The following FAM178B variants were observed in gnomAD, a reference collection of about 807,000 sequenced individuals.
The protein encoded by FAM178B is protein FAM178B.
In FAM178B, 82 loss-of-function variants were observed where a neutral mutation model predicts 91.7. The ratio of observed to expected loss-of-function variants is 0.89; its 90% CI spans 0.75 to 1.07. The LOEUF is 1.07. FAM178B is among the 50% of genes least tolerant of loss of function. The pLI, the probability that FAM178B is intolerant of heterozygous loss-of-function variation, is 0.00. For missense variants in FAM178B, 769 were observed against 846.7 expected, an observed-to-expected ratio of 0.91 and a Z score of 1.14; for synonymous variants, 368 against 359.4, an observed-to-expected ratio of 1.02 and a Z score of -0.27.
At chr2:96,964,982 G>A (rs898565110) in intron 5 of FAM178B, among the ~76,000 whole-genome samples, 1 of 152,050 alleles carries the variant, frequency 6.6e-6, no homozygotes, top group Non-Finnish European at 1.5e-5. Flanking sequence ...TGATCATCCG[G>A]TTTGGTGGCT....
intron 16 of FAM178B, among the ~76,000 whole-genome samples, chr2:96,877,540 T>C (rs2080273627): frequency 6.6e-6 from 1 of 152,114 alleles, no homozygotes; most frequent in Admixed American, 6.5e-5. Context: ...GTAGCTGGGA[T>C]TACAGGCGCA....
chr2:96,963,015 T>A (rs1296285660), intron 5 of FAM178B, among the ~76,000 whole-genome samples: 4 of 152,136 alleles, frequency 2.6e-5, no homozygotes, highest in Non-Finnish European at 5.9e-5. Flanking sequence ...AACCACCACC[T>A]CAAAGTGGCT....
chr2:96,901,176 C>CTTTT (rs1195230304), intron 13 of FAM178B, among the ~76,000 whole-genome samples: 1 of 132,470 alleles, frequency 7.5e-6, no homozygotes, highest in East Asian at 2.1e-4. Flanking sequence ...ATTCTTTTTT[C>CTTTT]TTTTTTTTTT....
At chr2:96,942,708 A>G (rs575484162) in intron 8 of FAM178B, among the ~76,000 whole-genome samples, 1 of 152,308 alleles carries the variant, frequency 6.6e-6, no homozygotes, top group Non-Finnish European at 1.5e-5. Context: ...AAATTTTTAA[A>G]AAGTATAGTT....
At chr2:96,936,372 T>G (rs2081628648) in intron 8 of FAM178B, among the ~76,000 whole-genome samples, 1 of 151,878 alleles carries the variant, frequency 6.6e-6, no homozygotes, top group African/African-American at 2.4e-5. Flanking sequence ...CGGCTAAGTT[T>G]TTGTATTTTT....
intron 14 of FAM178B, among the ~76,000 whole-genome samples, chr2:96,888,704 C>G (rs577664438): frequency 6.6e-6 from 1 of 152,252 alleles, no homozygotes; most frequent in Non-Finnish European, 1.5e-5. Context: ...TATCAACACA[C>G]GCGGCACACC....
chr2:96,894,785 G>A (rs1471806747), intron 13 of FAM178B, among the ~76,000 whole-genome samples: 51 of 38,834 alleles, frequency 1.3e-3, no homozygotes, highest in East Asian at 8.8e-3. Flanking sequence ...CCCCACCCAC[G>A]CCCACTCACA....
intron 12 of FAM178B, among the ~76,000 whole-genome samples, chr2:96,906,362 C>T (rs990626441): frequency 6.6e-6 from 1 of 151,968 alleles, no homozygotes; most frequent in Non-Finnish European, 1.5e-5. Context: ...CCACCAAGCC[C>T]GACCGAAAAT....
chr2:96,890,521 T>G lies in FAM178B; in HGVS notation c.1776+3405A>C, dbSNP rs538316865. ...CATGACCCTGAGCCCTGAGGCTGGA[T>G]AGAACACACCAGAAAACATCTGGCC... On this transcript the variant is annotated intron_variant, in intron 14 of 16. Transcript: ENST00000490605. Among the ~76,000 whole-genome samples the G allele has an allele frequency of 2.1e-4, 32 of 152,190 alleles. No homozygotes were observed. In the South Asian group the frequency reaches 6.6e-3, roughly 32 times the overall value.
Position 96,876,316 on chromosome 2 carries a change from G to A in FAM178B, c.2008-8C>T, listed in dbSNP as rs767107594. The A allele has an allele frequency of 6.9e-6, 11 of 1,598,628 alleles. No homozygotes were observed. The highest frequency in any genetic ancestry group is 3.5e-5 in the Admixed American group (2 of 57,012). On this transcript the variant is annotated splice_region_variant and splice_polypyrimidine_tract_variant and intron_variant, in intron 16 of 16. Transcript: ENST00000490605. ...GGGGCTGAAATACTGGGCCTGCGGC[G>A]AGGAGAAAAGCAGGCTGTGAGGGCC...
Position 96,904,525 on chromosome 2 carries a change from G to A in FAM178B, c.1563-1818C>T, listed in dbSNP as rs541926073. 1.8e-4 allele frequency among the ~76,000 whole-genome samples: 27 copies of A among 147,852 alleles called. 1 individual carries two copies. The South Asian group carries it at 2.4e-3, about 13-fold the overall frequency. On this transcript the variant is annotated intron_variant, in intron 12 of 16. Coordinates refer to ENST00000490605, the MANE Select transcript of FAM178B (RefSeq NM_001122646.3). The stretch of plus-strand genomic sequence containing the variant: ...TAGCTGGGACTACAGTCACGCACGC[G>A]CCACCATGCCTGGCTATTTTTTTTT...
At chr2:96,916,699 AT>A (rs1416881697) in intron 12 of FAM178B, among the ~76,000 whole-genome samples, 4 of 151,906 alleles carry the variant, frequency 2.6e-5, no homozygotes, top group Non-Finnish European at 5.9e-5. Flanking sequence ...ATTCACTTTC[AT>A]TTTTCATGGT....
Position 96,875,961 on chromosome 2 carries a change from G to T in FAM178B, c.*315C>A. 1 of 421,370 alleles carries T rather than the reference G, an allele frequency of 2.4e-6. No homozygotes were observed. The highest frequency in any genetic ancestry group is 3.5e-5 in the South Asian group (1 of 28,866). 26.1% of individuals were successfully genotyped at this position (421,370 alleles called of 1,614,324 possible). On this transcript the variant is annotated 3_prime_UTR_variant, in exon 17 of 17. Coordinates refer to ENST00000490605, the MANE Select transcript of FAM178B (RefSeq NM_001122646.3). ...GAGACAGAGGAAGGAGGGTGGGGAGGACTGAGGCCCAGGGAAACCAGAGCT... is the reference window on the plus strand; with the variant it reads ...GAGACAGAGGAAGGAGGGTGGGGAGTACTGAGGCCCAGGGAAACCAGAGCT...
At chr2:96,946,020 G>A (rs1046774069) in intron 8 of FAM178B, among the ~76,000 whole-genome samples, 2 of 151,934 alleles carry the variant, frequency 1.3e-5, no homozygotes, top group Admixed American at 6.6e-5. Context: ...CCTAGCCCCC[G>A]GTAACCACCA....
intron 4 of FAM178B, among the ~76,000 whole-genome samples, chr2:96,968,741 T>C (rs1383763448): frequency 6.6e-6 from 1 of 152,128 alleles, no homozygotes; most frequent in African/African-American, 2.4e-5. Context: ...GCTCTTGCCC[T>C]TCCCATCCCT....
At chr2:96,876,509 G>C (rs1053818623) in intron 16 of FAM178B, among the ~76,000 whole-genome samples, 2 of 152,212 alleles carry the variant, frequency 1.3e-5, no homozygotes, top group African/African-American at 4.8e-5. Context: ...TGGTCTCCCA[G>C]GGCCCCTCTA....
At chr2:96,929,064 G>A (rs1331125944) in intron 9 of FAM178B, 142 bp downstream of exon 9, 5 of 641,942 alleles carry the variant, frequency 7.8e-6, no homozygotes, top group African/African-American at 1.8e-5. Context: ...AGGCTGAGGT[G>A]GGAGGATCAC....
chr2:96,876,173 C>T lies in FAM178B; in HGVS notation c.*103G>A. The T allele has an allele frequency of 8.2e-7, 1 of 1,220,096 alleles. No individual in the cohort carries two copies. The highest frequency in any genetic ancestry group is 1.2e-6 in the Non-Finnish European group (1 of 853,292). The allele number at this position is 1,220,096 out of a possible 1,614,324, so 75.6% of individuals were successfully genotyped here. On this transcript the variant is annotated 3_prime_UTR_variant, in exon 17 of 17. Transcript: ENST00000490605. ...GCTCTTGCCTCATCAGGCTGGTCAGCATGTGGCCTCCTCTGGCCTTGATGC... is the reference window on the plus strand; with the variant it reads ...GCTCTTGCCTCATCAGGCTGGTCAGTATGTGGCCTCCTCTGGCCTTGATGC...
At chr2:96,961,342 C>CGTGT (rs1559098707) in intron 5 of FAM178B, among the ~76,000 whole-genome samples, 10 of 99,742 alleles carry the variant, frequency 1.0e-4, no homozygotes, top group African/African-American at 2.8e-4. Context: ...TGTGTGTGTA[C>CGTGT]ACACACACAA....
Sources: gnomAD v4.1 joint callset for allele counts (sites outside exome capture counted in the v4.1 genomes callset) on GRCh38, gnomAD v4.1.1 for gene constraint, MANE v1.5 for transcripts, NCBI Gene and HGNC (gene_info 2026-07-23, HGNC 2026-07-21) for gene names.